Variants in NEFH observed in about 807,000 individuals in gnomAD.
NEFH encodes the protein neurofilament heavy chain, also known as neurofilament heavy polypeptide.
A neutral mutation model predicts 56.6 loss-of-function variants in NEFH; 58 were observed. The ratio of observed to expected loss-of-function variants is 1.03; its 90% CI spans 0.83 to 1.28. NEFH has a LOEUF of 1.28. NEFH is among the 50% of genes most tolerant of loss of function. The pLI is 0.00. For missense variants in NEFH, 1,221 were observed against 1,307.6 expected (o/e 0.93, Z 1.02); for synonymous variants, 542 against 545.8 (o/e 0.99, Z 0.10).
At chr22:29,486,557 C>T (rs757583792) in intron 3 of NEFH, among the ~76,000 whole-genome samples, 11 of 127,262 alleles carry the variant, frequency 8.6e-5, no homozygotes, top group Non-Finnish European at 1.6e-4. Context: ...GAATCTCACT[C>T]TGTTGCCCAG....
chr22:29,486,514 T>C (rs1320408215), intron 3 of NEFH, among the ~76,000 whole-genome samples: 4 of 145,140 alleles, frequency 2.8e-5, no homozygotes, highest in African/African-American at 5.2e-5. Context: ...CTGAGAGACA[T>C]GAGTCTTTTT....
Position 29,480,303 on chromosome 22 carries a change from C to A in NEFH, c.41C>A (p.Pro14Gln), listed in dbSNP as rs2062995157. 6.6e-7 allele frequency: 1 copy of A among 1,506,858 alleles called. No individual in the cohort carries two copies. The highest frequency in any genetic ancestry group is 1.4e-5 in the African/African-American group (1 of 69,240). 93.3% of individuals were successfully genotyped at this position (1,506,858 alleles called of 1,614,324 possible). A position where few individuals can be genotyped will look rare whatever the true frequency, so the allele number is the denominator to read the frequency against. ...GGCGCGGACGCGCTGCTGGGCGCCCCGTTCGCGCCGCTGCATGGCGGCGGC... is the reference window on the plus strand; with the variant it reads ...GGCGCGGACGCGCTGCTGGGCGCCCAGTTCGCGCCGCTGCATGGCGGCGGC... ...FGGADALLGA[P>Q]FAPLHGGGSL... The change falls in exon 1 of 4, where the codon CCG (proline) becomes CAG (glutamine). Residue 14 changes from proline (P) to glutamine (Q), a missense_variant. Coordinates refer to ENST00000310624, the MANE Select transcript of NEFH (RefSeq NM_021076.4).
In NEFH at chr22:29,480,233, C is replaced by T. The variant is rs752293614; in HGVS notation, c.-30C>T. 4.7e-5 allele frequency: 70 copies of T among 1,494,308 alleles called. 3 individuals carry two copies. Among genetic ancestry groups the T allele is most frequent in the South Asian group, 3.9e-4 (31 of 79,436 alleles). The allele number at this position is 1,494,308 out of a possible 1,614,324, so 92.6% of individuals were successfully genotyped here. On this transcript the variant is annotated 5_prime_UTR_variant, in exon 1 of 4. Transcript: ENST00000310624. ...TGGTGCTGCCGCAGTGCCTCCCGCC[C>T]CGTCCCGGCCTCGCGCACCTGCTCA...
Position 29,491,222 on chromosome 22 carries a change from C to T in NEFH, c.*519C>T, listed in dbSNP as rs911785075. ...GACTGGCCACTGAATTATGCCAGGGCGCACTTTCCACTGGAGTTCACTTTC... is the reference window on the plus strand; with the variant it reads ...GACTGGCCACTGAATTATGCCAGGGTGCACTTTCCACTGGAGTTCACTTTC... On this transcript the variant is annotated 3_prime_UTR_variant, in exon 4 of 4. Transcript: ENST00000310624. 8.5e-5 allele frequency: 18 copies of T among 210,794 alleles called. No homozygotes were observed. The highest frequency in any genetic ancestry group is 5.8e-4 in the East Asian group (5 of 8,576). The allele number at this position is 210,794 out of a possible 1,614,324, so 13.1% of individuals were successfully genotyped here.
chr22:29,481,165 G>T lies in NEFH; in HGVS notation c.883+20G>T, dbSNP rs889160937. On this transcript the variant is annotated intron_variant, in intron 1 of 3. Transcript: ENST00000310624. ...TCCGAGGTACGCAGGCGCGCGGGTG[G>T]GGGGAGGGGCGCCCCTGCTGACCCC... The T allele has an allele frequency of 3.8e-5, 58 of 1,527,056 alleles. No individual in the cohort carries two copies. The highest frequency in any genetic ancestry group is 5.5e-5 in the African/African-American group (4 of 72,808). The allele number at this position is 1,527,056 out of a possible 1,614,324, so 94.6% of individuals were successfully genotyped here. A position where few individuals can be genotyped will look rare whatever the true frequency, so the allele number is the denominator to read the frequency against.
chr22:29,482,097 T>C (rs983431966), intron 1 of NEFH, among the ~76,000 whole-genome samples: 3 of 152,198 alleles, frequency 2.0e-5, no homozygotes, highest in Non-Finnish European at 2.9e-5. Flanking sequence ...TAGTTGAGAA[T>C]CTCCAACCAC....
chr22:29,485,961 CT>C, intron 3 of NEFH, 114 bp downstream of exon 3: 1 of 1,141,302 alleles, frequency 8.8e-7, no homozygotes. Flanking sequence ...GGACAAAATT[CT>C]TTTTAAATTG....
chr22:29,489,215 G>C lies in NEFH; in HGVS notation c.1575G>C (p.Lys525Asn), dbSNP rs149183166. 669 of 1,614,048 alleles carry C rather than the reference G, an allele frequency of 4.1e-4. No homozygotes were observed. Among genetic ancestry groups the C allele is most frequent in the Non-Finnish European group, 5.5e-4 (654 of 1,180,042 alleles). Residue 525 changes from lysine (K) to asparagine (N), a missense_variant, in exon 4 of 4, where the codon AAG becomes AAC. Lys to Asn is a moderately conservative substitution (Grantham distance 94). Coordinates refer to ENST00000310624, the MANE Select transcript of NEFH (RefSeq NM_021076.4). ...AGTCACCAGTAAAGGAAGAGGCAAAGTCACCGGCTGAGGCCAAGTCCCCAG... is the reference window on the plus strand; with the variant it reads ...AGTCACCAGTAAAGGAAGAGGCAAACTCACCGGCTGAGGCCAAGTCCCCAG... ...EAKSPVKEEA[K>N]SPAEAKSPEK...
chr22:29,483,362 C>T lies in NEFH; in HGVS notation c.884-13C>T, dbSNP rs766635486. The T allele has an allele frequency of 2.5e-6, 4 of 1,613,494 alleles. No individual in the cohort carries two copies. The Admixed American group carries it at 5.0e-5, about 20-fold the overall frequency. On this transcript the variant is annotated splice_polypyrimidine_tract_variant and intron_variant, in intron 1 of 3. Transcript: ENST00000310624. ...GTGTGTCTAACCCTGTGCCCTGCTA[C>T]CTTCTCCCCCAGTGAGGCTGGACCG...
intron 1 of NEFH, 150 bp from the exon 2 acceptor site, chr22:29,483,225 G>C: frequency 1.4e-6 from 1 of 718,896 alleles, no homozygotes; most frequent in South Asian, 1.7e-5. Context: ...CTTGCAGCGA[G>C]CTGAGAGTGC....
Position 29,489,540 on chromosome 22 carries a change from T to C in NEFH, c.1900T>C (p.Ser634Pro), listed in dbSNP as rs768576403. 103 of 1,609,188 alleles carry C rather than the reference T, an allele frequency of 6.4e-5. No individual in the cohort carries two copies. The highest frequency in any genetic ancestry group is 8.1e-5 in the Non-Finnish European group (95 of 1,179,172). ...EEAKSPAEVK[S>P]PEKAKSPTKE... Reference sequence around the variant, plus strand: ...AGCAAAATCTCCAGCTGAGGTCAAGTCCCCGGAAAAGGCCAAGTCTCCAAC... The same window carrying C: ...AGCAAAATCTCCAGCTGAGGTCAAGCCCCCGGAAAAGGCCAAGTCTCCAAC... The change falls in exon 4 of 4, where the codon TCC becomes CCC. Residue 634 changes from serine (S) to proline (P), a missense_variant. Around this residue, in one of 4 missense-constraint regions of NEFH, gnomAD observed 37 missense variants for 106.4 expected, o/e 0.35. Coordinates refer to ENST00000310624, the MANE Select transcript of NEFH (RefSeq NM_021076.4).
intron 2 of NEFH, among the ~76,000 whole-genome samples, chr22:29,484,127 G>C (rs1224674002): frequency 6.6e-6 from 1 of 152,134 alleles, no homozygotes; most frequent in East Asian, 1.9e-4. Context: ...TGGGATTACA[G>C]GTGTGAGGCA....
At chr22:29,487,524 C>T (rs1030352345) in intron 3 of NEFH, among the ~76,000 whole-genome samples, 6 of 151,926 alleles carry the variant, frequency 3.9e-5, no homozygotes, top group Non-Finnish European at 5.9e-5. Context: ...CTCAGCTACT[C>T]AGGAGGCTGA....
In NEFH at chr22:29,480,601, C is replaced by G. The variant is rs1445498917; in HGVS notation, c.339C>G (p.Asp113Glu). 6.4e-7 allele frequency: 1 copy of G among 1,563,352 alleles called. No homozygotes were observed. Among genetic ancestry groups the G allele is most frequent in the Non-Finnish European group, 8.6e-7 (1 of 1,163,824 alleles). The change falls in exon 1 of 4, where the codon GAC (aspartate) becomes GAG (glutamate). Residue 113 changes from aspartate to glutamate, a missense_variant. Asp to Glu is a conservative substitution (Grantham distance 45). Coordinates refer to ENST00000310624, the MANE Select transcript of NEFH (RefSeq NM_021076.4). ...ALNDRFAGYI[D>E]KVRQLEAHNR... ...ACGACCGCTTCGCCGGGTACATCGA[C>G]AAGGTGCGGCAGCTGGAGGCGCACA... is the stretch of plus-strand genomic sequence containing the variant.
chr22:29,480,537 C>G lies in NEFH; in HGVS notation c.275C>G (p.Ala92Gly), dbSNP rs1433329955. 1 of 1,537,638 alleles carries G rather than the reference C, an allele frequency of 6.5e-7. No homozygotes were observed. Among genetic ancestry groups the G allele is most frequent in the East Asian group, 2.4e-5 (1 of 41,364 alleles). ...CCGGAGGGCTGCATGGTGGCGGTGG[C>G]CACCTCACGCAGTGAGAAGGAGCAG... Reference protein sequence around the residue: ...NGPEGCMVAVATSRSEKEQLQ... With the variant: ...NGPEGCMVAVGTSRSEKEQLQ... Residue 92 changes from alanine (A) to glycine (G), a missense_variant, in exon 1 of 4, where the codon GCC becomes GGC. By Grantham distance (60) the Ala-to-Gly change is moderately conservative. Coordinates refer to ENST00000310624, the MANE Select transcript of NEFH (RefSeq NM_021076.4).
Position 29,483,458 on chromosome 22 carries a change from C to G in NEFH, c.967C>G (p.Arg323Gly). 6.2e-7 allele frequency: 1 copy of G among 1,614,018 alleles called. No homozygotes were observed. The highest frequency in any genetic ancestry group is 8.5e-7 in the Non-Finnish European group (1 of 1,180,018). ...GCAGGAGGAGATAACTGAGTACCGG[C>G]GTCAGCTGCAGGCCAGGACCACAGA... is the stretch of plus-strand genomic sequence containing the variant. ...SAQEEITEYR[R>G]QLQARTTELE... is the part of the protein sequence containing the mutation. Residue 323 changes from arginine (R) to glycine (G), a missense_variant, in exon 2 of 4, where the codon CGT becomes GGT. Arg to Gly is a moderately radical substitution (Grantham distance 125). Around this residue, in one of 4 missense-constraint regions of NEFH, gnomAD observed 640 missense variants for 555.5 expected, o/e 1.15. Transcript: ENST00000310624.
In NEFH at chr22:29,490,871, G is replaced by C; in HGVS notation, c.*168G>C. ...AGGAATTTCTGTTAGCAATATGTTA[G>C]CAAGAGAGGGCACTCCCAGGCCCCT... is the stretch of plus-strand genomic sequence containing the variant. On this transcript the variant is annotated 3_prime_UTR_variant, in exon 4 of 4. Coordinates refer to ENST00000310624, the MANE Select transcript of NEFH (RefSeq NM_021076.4). 3 of 1,340,924 alleles carry C rather than the reference G, an allele frequency of 2.2e-6. No individual in the cohort carries two copies. Among genetic ancestry groups the C allele is most frequent in the Non-Finnish European group, 3.1e-6 (3 of 972,560 alleles). 83.1% of individuals were successfully genotyped at this position (1,340,924 alleles called of 1,614,324 possible).
At chr22:29,488,629 A>G (rs963778372) in intron 3 of NEFH, among the ~76,000 whole-genome samples, 3 of 151,990 alleles carry the variant, frequency 2.0e-5, no homozygotes, top group Non-Finnish European at 4.4e-5. Context: ...AACAACATCA[A>G]CAAAAAAAGA....
rs1224330385 is a variant in NEFH at position 29,490,217 on chromosome 22, CAAG to C, written c.2580_2582del (p.Lys861del). 1 of 1,610,324 alleles carries C rather than the reference CAAG, an allele frequency of 6.2e-7. No individual in the cohort carries two copies. Among genetic ancestry groups the C allele is most frequent in the Non-Finnish European group, 8.5e-7 (1 of 1,178,332 alleles). Reference sequence around the variant, plus strand: ...CAAAAACAGAGGAGAAGAAGGACAGCAAGAAAGAGGAGGCACCCAAGAAGGAGG... The same window carrying C: ...CAAAAACAGAGGAGAAGAAGGACAGCAAAGAGGAGGCACCCAAGAAGGAGG... On this transcript the variant is annotated inframe_deletion, in exon 4 of 4. Transcript: ENST00000310624.
Sources: allele counts gnomAD v4.1 joint callset (sites outside exome capture counted in the v4.1 genomes callset), GRCh38; gene constraint gnomAD v4.1.1; regional missense constraint gnomAD v4.1.1; transcripts MANE v1.5; gene names NCBI Gene and HGNC (gene_info 2026-07-23, HGNC 2026-07-21).